The following GAB2 variants were observed in gnomAD, a reference collection of about 807,000 sequenced individuals.
GAB2 encodes the protein GRB2 associated binding protein 2.
GAB2 carries 26 observed loss-of-function variants against 65.5 expected under a neutral mutation model. The observed-to-expected ratio is 0.40, with a 90% confidence interval of 0.29 to 0.55. The LOEUF is 0.55. Among genes scored for constraint, GAB2 ranks in the 20% least tolerant of loss-of-function variants. The pLI is 0.53. For synonymous variants in GAB2, 321 were observed against 329.6 expected, an observed-to-expected ratio of 0.97 and a Z score of 0.28; for missense variants, 884 against 875.8, an observed-to-expected ratio of 1.01 and a Z score of -0.12.
chr11:78,245,054 T>C (rs984604804), intron 3 of GAB2, among the ~76,000 whole-genome samples: 1 of 152,112 alleles, frequency 6.6e-6, no homozygotes, highest in African/African-American at 2.4e-5. Context: ...CATCAACAGA[T>C]AAATGGATAA....
chr11:78,412,248 A>C (rs1298443891), intron 1 of GAB2, among the ~76,000 whole-genome samples: 1 of 152,250 alleles, frequency 6.6e-6, no homozygotes, highest in Non-Finnish European at 1.5e-5. Flanking sequence ...ATCATTAGCC[A>C]TAAGGGAAAT....
intron 1 of GAB2, among the ~76,000 whole-genome samples, chr11:78,354,358 AAAG>A (rs1274742436): frequency 1.3e-5 from 2 of 152,198 alleles, no homozygotes; most frequent in African/African-American, 4.8e-5. Context: ...CAAGTTTGTG[AAAG>A]AATATGTGAT....
intron 1 of GAB2, among the ~76,000 whole-genome samples, chr11:78,351,098 A>G (rs1391993982): frequency 6.6e-6 from 1 of 152,170 alleles, no homozygotes; most frequent in Non-Finnish European, 1.5e-5. Context: ...CTGTCAGCTC[A>G]AAACCATGCA....
intron 2 of GAB2, among the ~76,000 whole-genome samples, chr11:78,273,719 G>A (rs957592375): frequency 6.6e-6 from 1 of 152,190 alleles, no homozygotes; most frequent in Admixed American, 6.5e-5. Flanking sequence ...GATTTGAAAG[G>A]GGGCAGGGGC....
At chr11:78,417,049 G>A (rs1202377445) in intron 1 of GAB2, among the ~76,000 whole-genome samples, 1 of 152,180 alleles carries the variant, frequency 6.6e-6, no homozygotes, top group Admixed American at 6.5e-5. Context: ...AGAGACGAAC[G>A]GAATAAAGGG....
intron 1 of GAB2, among the ~76,000 whole-genome samples, chr11:78,397,985 A>T (rs1349799731): frequency 6.8e-6 from 1 of 147,562 alleles, no homozygotes; most frequent in Non-Finnish European, 1.5e-5. Flanking sequence ...CAGGAGTTTG[A>T]GGCTGTAGTG....
chr11:78,248,062 T>A (rs927443532), intron 3 of GAB2, among the ~76,000 whole-genome samples: 13 of 152,200 alleles, frequency 8.5e-5, no homozygotes, highest in Non-Finnish European at 1.5e-5. Context: ...ATTATGCACC[T>A]ACTGTGAGCT....
chr11:78,380,966 C>T (rs1320536602), intron 1 of GAB2, among the ~76,000 whole-genome samples: 4 of 152,152 alleles, frequency 2.6e-5, no homozygotes, highest in African/African-American at 9.7e-5. Context: ...GTGTCTCTGC[C>T]TATGTAAGTG....
intron 9 of GAB2, 128 bp downstream of exon 9, chr11:78,220,191 A>AAGCTGGGT: frequency 1.1e-6 from 1 of 922,230 alleles, no homozygotes; most frequent in Non-Finnish European, 1.7e-6. Flanking sequence ...TGCATCATAA[A>AAGCTGGGT]AGCTGGGTAC....
At chr11:78,372,325 G>T (rs1174276225) in intron 1 of GAB2, among the ~76,000 whole-genome samples, 2 of 152,166 alleles carry the variant, frequency 1.3e-5, no homozygotes, top group Non-Finnish European at 2.9e-5. Flanking sequence ...CTCTGGAACA[G>T]ATGTGAATCG....
chr11:78,242,249 T>A (rs1231769497), intron 3 of GAB2, among the ~76,000 whole-genome samples: 1 of 152,174 alleles, frequency 6.6e-6, no homozygotes, highest in Non-Finnish European at 1.5e-5. Context: ...ATGCCTGTAA[T>A]CCCAGCACTT....
At chr11:78,238,963 T>G (rs1371569774) in intron 3 of GAB2, among the ~76,000 whole-genome samples, 1 of 152,030 alleles carries the variant, frequency 6.6e-6, no homozygotes, top group Non-Finnish European at 1.5e-5. Flanking sequence ...GACAAAAGAC[T>G]TGAAATAGAT....
At chr11:78,308,390 T>C (rs1404151188) in intron 1 of GAB2, among the ~76,000 whole-genome samples, 4 of 152,044 alleles carry the variant, frequency 2.6e-5, no homozygotes, top group Non-Finnish European at 5.9e-5. Flanking sequence ...GCATCTTTGA[T>C]GTGATTATGG....
chr11:78,407,310 G>C (rs979390425), intron 1 of GAB2, among the ~76,000 whole-genome samples: 1 of 151,688 alleles, frequency 6.6e-6, no homozygotes. Flanking sequence ...AAAATAAAGA[G>C]AAAAAAAATC....
At chr11:78,364,691 C>T (rs1049468748) in intron 1 of GAB2, among the ~76,000 whole-genome samples, 1 of 152,158 alleles carries the variant, frequency 6.6e-6, no homozygotes, top group Non-Finnish European at 1.5e-5. Flanking sequence ...ATAGCAAATG[C>T]TGTGATAGGC....
At chr11:78,263,620 G>A (rs1865795009) in intron 2 of GAB2, among the ~76,000 whole-genome samples, 1 of 144,004 alleles carries the variant, frequency 6.9e-6, no homozygotes, top group East Asian at 2.0e-4. Context: ...GCGACAGAGT[G>A]AGACTCTGTC....
At chr11:78,242,669 T>C (rs184343464) in intron 3 of GAB2, among the ~76,000 whole-genome samples, 14 of 151,852 alleles carry the variant, frequency 9.2e-5, no homozygotes, top group African/African-American at 3.4e-4. Flanking sequence ...CAAATAAACA[T>C]CCTAATGATG....
At chr11:78,380,738 A>C (rs984601469) in intron 1 of GAB2, among the ~76,000 whole-genome samples, 10 of 152,250 alleles carry the variant, frequency 6.6e-5, no homozygotes, top group Non-Finnish European at 1.5e-4. Flanking sequence ...AGCCTGAGTC[A>C]CATGTCATGC....
chr11:78,376,726 G>C (rs370049572), intron 1 of GAB2, among the ~76,000 whole-genome samples: 23 of 152,090 alleles, frequency 1.5e-4, no homozygotes, highest in African/African-American at 3.6e-4. Context: ...AGAGTTGGAG[G>C]GGGGCACCGA....
Sources: allele counts gnomAD v4.1 joint callset (sites outside exome capture counted in the v4.1 genomes callset), GRCh38; gene constraint gnomAD v4.1.1; transcripts MANE v1.5; gene names NCBI Gene and HGNC (gene_info 2026-07-23, HGNC 2026-07-21).